Variants in TTC39C observed in about 807,000 individuals in gnomAD.
The protein encoded by TTC39C is tetratricopeptide repeat protein 39C.
A neutral mutation model predicts 76.3 loss-of-function variants in TTC39C; 33 were observed. That is an observed-to-expected ratio of 0.43 (90% CI 0.33 to 0.58). TTC39C has a LOEUF of 0.58. TTC39C is among the 20% of genes least tolerant of loss of function. The pLI is 0.04. For missense variants in TTC39C, 595 were observed against 701.4 expected, an observed-to-expected ratio of 0.85 and a Z score of 1.71; for synonymous variants, 254 against 260.6, an observed-to-expected ratio of 0.97 and a Z score of 0.24.
Position 24,080,798 on chromosome 18 carries a change from T to G in TTC39C, c.674T>G (p.Leu225Arg). 6.2e-7 allele frequency: 1 copy of G among 1,614,064 alleles called. No individual in the cohort carries two copies. ...LKGAVSFGYG[L>R]FHLCISMVPP... ...GGTGCTGTTAGCTTTGGATATGGCCTTTTTCACCTTTGCATATCCATGGTG... is the reference window on the plus strand; with the variant it reads ...GGTGCTGTTAGCTTTGGATATGGCCGTTTTCACCTTTGCATATCCATGGTG... Residue 225 changes from leucine to arginine, a missense_variant, in exon 5 of 14, where the codon CTT (leucine) becomes CGT (arginine). Coordinates refer to ENST00000317571, the MANE Select transcript of TTC39C (RefSeq NM_001135993.2).
chr18:24,122,809 G>A (rs143438895), intron 8 of TTC39C, among the ~76,000 whole-genome samples: 18 of 152,246 alleles, frequency 1.2e-4, no homozygotes, highest in Admixed American at 2.6e-4. Flanking sequence ...TCAAGACTCC[G>A]CTCGACTTCT....
intron 6 of TTC39C, among the ~76,000 whole-genome samples, chr18:24,108,406 T>C (rs2084773227): frequency 6.6e-6 from 1 of 152,228 alleles, no homozygotes. Context: ...CCAAAAGAAC[T>C]CGGCCTTGTT....
At chr18:24,091,886 G>T (rs2084521122) in intron 6 of TTC39C, among the ~76,000 whole-genome samples, 1 of 151,746 alleles carries the variant, frequency 6.6e-6, no homozygotes, top group Non-Finnish European at 1.5e-5. Flanking sequence ...TCAGGAGATC[G>T]AGACCATCCT....
At chr18:24,021,660 C>G (rs1283710183) in intron 1 of TTC39C, among the ~76,000 whole-genome samples, 1 of 151,692 alleles carries the variant, frequency 6.6e-6, no homozygotes, top group Non-Finnish European at 1.5e-5. Context: ...ATTCTCCTGC[C>G]AAGCTGGGCC....
intron 6 of TTC39C, among the ~76,000 whole-genome samples, chr18:24,086,547 A>T (rs1379822684): frequency 6.6e-6 from 1 of 152,136 alleles, no homozygotes; most frequent in Non-Finnish European, 1.5e-5. Flanking sequence ...GTTTTCTGTT[A>T]TGGCCTCAGT....
chr18:24,109,685 T>C (rs759244219), intron 6 of TTC39C, among the ~76,000 whole-genome samples: 17 of 152,078 alleles, frequency 1.1e-4, no homozygotes, highest in Non-Finnish European at 1.9e-4. Flanking sequence ...AAATGAAAAA[T>C]GATTGATCAT....
intron 3 of TTC39C, among the ~76,000 whole-genome samples, chr18:24,068,891 G>T (rs2084202951): frequency 1.3e-5 from 2 of 152,110 alleles, no homozygotes; most frequent in Admixed American, 6.5e-5. Context: ...GAGGTTTTTT[G>T]TTGCTTTTCG....
chr18:24,119,547 T>C (rs1239546332), intron 8 of TTC39C, among the ~76,000 whole-genome samples: 2 of 152,180 alleles, frequency 1.3e-5, no homozygotes, highest in Admixed American at 1.3e-4. Flanking sequence ...ATTGCATCGG[T>C]CCATTAGCAA....
chr18:24,011,235 C>A (rs540362727), upstream of TTC39C, among the ~76,000 whole-genome samples: 1 of 152,320 alleles, frequency 6.6e-6, no homozygotes, highest in African/African-American at 2.4e-5. Context: ...CAGACCCTGA[C>A]TGGCATAATC....
intron 1 of TTC39C, among the ~76,000 whole-genome samples, chr18:24,024,799 ACTCCT>A (rs1476187685): frequency 6.6e-6 from 1 of 152,142 alleles, no homozygotes; most frequent in Non-Finnish European, 1.5e-5. Flanking sequence ...GTGGCAACCG[ACTCCT>A]GAGGACAGTT....
intron 5 of TTC39C, among the ~76,000 whole-genome samples, chr18:24,081,220 A>G (rs2084371793): frequency 6.6e-6 from 1 of 152,202 alleles, no homozygotes; most frequent in African/African-American, 2.4e-5. Context: ...GACTTTGACC[A>G]CATTCTCTGA....
Position 24,045,889 on chromosome 18 carries a change from G to GAAAAAAAAAAA in TTC39C, c.168-18247_168-18246insAAAAAAAAAAA, listed in dbSNP as rs1193600114. On this transcript the variant is annotated intron_variant, in intron 1 of 13. Coordinates refer to ENST00000317571, the MANE Select transcript of TTC39C (RefSeq NM_001135993.2). ...AACATTTTAGGGTACTTCCTTCTGTGAAAATATATATATATATATATATAT... is the reference window on the plus strand; with the variant it reads ...AACATTTTAGGGTACTTCCTTCTGTGAAAAAAAAAAAAAAATATATATATATATATATATAT... Among the ~76,000 whole-genome samples, 54 of 56,346 alleles carry GAAAAAAAAAAA rather than the reference G, an allele frequency of 9.6e-4. 1 individual carries two copies. The highest frequency in any genetic ancestry group is 3.8e-3 in the African/African-American group (51 of 13,568). The allele number at this position is 56,346 out of a possible 152,430, so 37.0% of individuals were successfully genotyped here.
intron 4 of TTC39C, among the ~76,000 whole-genome samples, chr18:24,075,954 G>C (rs559980800): frequency 1.3e-5 from 2 of 152,160 alleles, no homozygotes; most frequent in Middle Eastern, 6.8e-3. Flanking sequence ...GTTTCCTCTC[G>C]CCCCCTCCAT....
Position 24,001,695 on chromosome 18 carries a change from T to C in TTC39C, c.-17+8657T>C, listed in dbSNP as rs2083311524. On this transcript the variant is annotated intron_variant, in intron 1 of 13. Transcript: ENST00000304621. ...ATTTCACAAAGTGTTGCTGCATTACTCTTGGGTTCTACTCAACTAGGTCAT... is the reference window on the plus strand; with the variant it reads ...ATTTCACAAAGTGTTGCTGCATTACCCTTGGGTTCTACTCAACTAGGTCAT... 2.0e-5 allele frequency: 3 copies of C among 152,272 alleles called. No individual in the cohort carries two copies. In the South Asian group the frequency reaches 6.2e-4, roughly 32 times the overall value. 9.4% of individuals were successfully genotyped at this position (152,272 alleles called of 1,614,324 possible).
intron 1 of TTC39C, among the ~76,000 whole-genome samples, chr18:24,044,052 T>TGTG: frequency 6.8e-6 from 1 of 147,848 alleles, no homozygotes; most frequent in African/African-American, 2.5e-5. Flanking sequence ...TTGTGTATGT[T>TGTG]TGTGTGTGTG....
At chr18:24,043,552 C>G (rs1424072970) in intron 1 of TTC39C, among the ~76,000 whole-genome samples, 1 of 152,198 alleles carries the variant, frequency 6.6e-6, no homozygotes, top group African/African-American at 2.4e-5. Context: ...CCAGATGCCC[C>G]ATGGGAGGCA....
intron 1 of TTC39C, among the ~76,000 whole-genome samples, chr18:24,033,184 C>T (rs1482842635): frequency 1.3e-5 from 2 of 152,220 alleles, no homozygotes; most frequent in South Asian, 2.1e-4. Context: ...AACTGGGGGG[C>T]GGCGGTTGCA....
intron 7 of TTC39C, among the ~76,000 whole-genome samples, chr18:24,116,778 A>G (rs1217842457): frequency 1.4e-5 from 2 of 142,862 alleles, no homozygotes; most frequent in Non-Finnish European, 3.0e-5. Context: ...ATTCCTTCTT[A>G]GTTGTATGGC....
chr18:24,129,760 C>G (rs1192035481), intron 11 of TTC39C, among the ~76,000 whole-genome samples: 1 of 116,286 alleles, frequency 8.6e-6, no homozygotes, highest in Non-Finnish European at 1.7e-5. Flanking sequence ...GGCGACACAG[C>G]AAGACTCCAT....
Sources: gnomAD v4.1 joint callset for allele counts (sites outside exome capture counted in the v4.1 genomes callset) on GRCh38, gnomAD v4.1.1 for gene constraint, MANE v1.5 for transcripts, NCBI Gene and HGNC (gene_info 2026-07-23, HGNC 2026-07-21) for gene names.